The following EP400 variants were observed in gnomAD, a reference collection of about 807,000 sequenced individuals.
EP400 encodes the protein E1A binding protein p400.
Under a neutral mutation model 354.1 loss-of-function variants are expected in EP400, and 105 were observed. That is an observed-to-expected ratio of 0.30 (90% CI 0.25 to 0.35). EP400 has a LOEUF of 0.35. Among genes scored for constraint, EP400 ranks in the 10% least tolerant of loss-of-function variants. EP400 has a pLI of 1.00. For synonymous variants in EP400, 1,646 were observed against 1,716.9 expected, an observed-to-expected ratio of 0.96 and a Z score of 1.02; for missense variants, 3,280 against 4,121.0, an observed-to-expected ratio of 0.80 and a Z score of 5.59.
intron 23 of EP400, among the ~76,000 whole-genome samples, chr12:132,022,654 G>A (rs995563753): frequency 6.8e-6 from 1 of 147,550 alleles, no homozygotes; most frequent in African/African-American, 2.6e-5. Flanking sequence ...GCAACGCTAA[G>A]TTTTACTTTT....
At position 132,050,131 on chromosome 12, in the gene EP400, C is replaced by T. The variant is rs551303859; in HGVS notation, c.7201-192C>T. Among the ~76,000 whole-genome samples the T allele has an allele frequency of 3.3e-5, 5 of 152,260 alleles. No individual in the cohort carries two copies. In the East Asian group the frequency reaches 5.8e-4, roughly 18 times the overall value. On this transcript the variant is annotated intron_variant, in intron 39 of 52. Coordinates refer to ENST00000389561, the MANE Select transcript of EP400 (RefSeq NM_015409.5). The surrounding 1 kb of genome is among the most constrained non-coding windows in gnomAD (Gnocchi z 4.8). ...ATGGACTGGAGAGTGTCACAGCAGT[C>T]GGCCGCGACAGCCACTTAATGCCGC...
intron 45 of EP400, 112 bp downstream of exon 45, chr12:132,055,320 C>T: frequency 1.1e-6 from 1 of 908,238 alleles, no homozygotes; most frequent in Non-Finnish European, 1.6e-6. Context: ...GAAAAACTGT[C>T]TAGTTTGAAT....
Position 132,027,491 on chromosome 12 carries a change from C to T in EP400, c.5069C>T (p.Thr1690Met), listed in dbSNP as rs748609552. The T allele has an allele frequency of 1.7e-5, 27 of 1,613,756 alleles. No homozygotes were observed. Among genetic ancestry groups the T allele is most frequent in the Middle Eastern group, 1.7e-4 (1 of 6,058 alleles). The change falls in exon 26 of 53, where the codon ACG (threonine) becomes ATG (methionine). Residue 1690 changes from threonine to methionine, a missense_variant. Thr to Met is a moderately conservative substitution (Grantham distance 81, BLOSUM62 -1). Transcript: ENST00000389561. The surrounding 1 kb of genome is among the most constrained non-coding windows in gnomAD (Gnocchi z 4.9). ...GCCTTGGCTGTAGGAGAACCCGGAA[C>T]GGCCTCCAAACCAGCTTCTCCCATT... ...VNALAVGEPG[T>M]ASKPASPIGG...
chr12:132,060,270 C>T (rs1337768024), intron 45 of EP400, among the ~76,000 whole-genome samples: 3 of 152,108 alleles, frequency 2.0e-5, no homozygotes, highest in Non-Finnish European at 4.4e-5. Context: ...CAAGATGACA[C>T]ATGGAGGACA....
intron 30 of EP400, among the ~76,000 whole-genome samples, chr12:132,035,884 G>A (rs1040566485): frequency 3.5e-5 from 5 of 141,508 alleles, no homozygotes; most frequent in South Asian, 2.3e-4. Context: ...AGGTTCACAC[G>A]GAACGTCGTG....
Position 132,030,009 on chromosome 12 carries a change from A to T in EP400, c.5605A>T (p.Ile1869Phe). ...CCCAGGGAAGTTGGAAGCTTTAGCT[A>T]TCTTGCTTCAGAAATTGAAATCTGA... is the stretch of plus-strand genomic sequence containing the variant. Reference protein sequence around the residue: ...FDSGKLEALAILLQKLKSEGR... With the variant: ...FDSGKLEALAFLLQKLKSEGR... The change falls in exon 29 of 53, where the codon ATC becomes TTC. Residue 1869 changes from isoleucine to phenylalanine, a missense_variant. Around this residue, in one of 20 missense-constraint regions of EP400, gnomAD observed 459 missense variants for 496.9 expected, o/e 0.92. Coordinates refer to ENST00000389561, the MANE Select transcript of EP400 (RefSeq NM_015409.5). 6.2e-7 allele frequency: 1 copy of T among 1,614,232 alleles called. No individual in the cohort carries two copies. Among genetic ancestry groups the T allele is most frequent in the Non-Finnish European group, 8.5e-7 (1 of 1,180,044 alleles).
In EP400 at chr12:132,029,830, C is replaced by T. The variant is rs758126569; in HGVS notation, c.5511C>T (p.Phe1837=). ...QGLREHAAPY[F]QQLRQTTAPR... ...TGAGAGAGCACGCTGCGCCGTACTT[C>T]CAGCAGCTGCGGCAGACCACGGCTC... Residue 1837 remains phenylalanine (F), a synonymous_variant, in exon 28 of 53, where the codon TTC becomes TTT. Coordinates refer to ENST00000389561, the MANE Select transcript of EP400 (RefSeq NM_015409.5). The surrounding 1 kb of genome is among the most constrained non-coding windows in gnomAD (Gnocchi z 4.7). 2.5e-6 allele frequency: 4 copies of T among 1,613,270 alleles called. No homozygotes were observed. The highest frequency in any genetic ancestry group is 1.1e-5 in the South Asian group (1 of 91,084).
At position 132,029,567 on chromosome 12, in the gene EP400, C is replaced by T. The variant is rs973184752; in HGVS notation, c.5382-134C>T. Reference sequence around the variant, plus strand: ...GCCCGTGTGCCAACACCCACATCCCCATGTGACTGGGTTGAGCCCTGCTGT... The same window carrying T: ...GCCCGTGTGCCAACACCCACATCCCTATGTGACTGGGTTGAGCCCTGCTGT... On this transcript the variant is annotated intron_variant, in intron 27 of 52. Transcript: ENST00000389561. This position sits in a 1 kb window ranked among gnomAD's most constrained non-coding sequence, Gnocchi z 4.7. The T allele has an allele frequency of 1.0e-5, 10 of 980,284 alleles. No individual in the cohort carries two copies. Among genetic ancestry groups the T allele is most frequent in the Admixed American group, 4.6e-5 (2 of 43,626 alleles). 60.7% of individuals were successfully genotyped at this position (980,284 alleles called of 1,614,324 possible).
intron 30 of EP400, among the ~76,000 whole-genome samples, chr12:132,033,538 A>G (rs1444505157): frequency 6.9e-6 from 1 of 145,818 alleles, no homozygotes; most frequent in Non-Finnish European, 1.5e-5. Context: ...GTGTGCTTTA[A>G]CCTCTTTTTT....
chr12:132,028,540 C>T (rs1894382917), intron 27 of EP400, among the ~76,000 whole-genome samples: 1 of 152,228 alleles, frequency 6.6e-6, no homozygotes, highest in Admixed American at 6.5e-5. Flanking sequence ...CAGCACTGAG[C>T]TCACACTGTG....
At chr12:132,006,017 T>C in intron 13 of EP400, 95 bp from the exon 14 acceptor site, 1 of 1,216,852 alleles carries the variant, frequency 8.2e-7, no homozygotes. Flanking sequence ...TTTAAAGTAG[T>C]TGGATTCTAT....
intron 1 of EP400, among the ~76,000 whole-genome samples, chr12:131,951,013 C>T (rs1891459857): frequency 6.6e-6 from 1 of 152,104 alleles, no homozygotes; most frequent in Non-Finnish European, 1.5e-5. Flanking sequence ...GATTCTCCTG[C>T]CTCAGCCTCC....
At chr12:131,950,210 G>C (rs1891413666) in intron 1 of EP400, among the ~76,000 whole-genome samples, 174 bp downstream of exon 1, 1 of 151,978 alleles carries the variant, frequency 6.6e-6, no homozygotes, top group Non-Finnish European at 1.5e-5. Context: ...CCGGGCGGGC[G>C]ACCGGGCTGA....
intron 6 of EP400, among the ~76,000 whole-genome samples, 161 bp from the exon 7 acceptor site, chr12:131,987,544 C>T (rs532353127): frequency 6.6e-6 from 1 of 152,256 alleles, no homozygotes; most frequent in Admixed American, 6.5e-5. Context: ...CCTTTGTGTT[C>T]GAATCTTACC....
At chr12:131,984,649 C>G (rs930831112) in intron 5 of EP400, among the ~76,000 whole-genome samples, 1 of 152,144 alleles carries the variant, frequency 6.6e-6, no homozygotes, top group Admixed American at 6.5e-5. Context: ...ATTTAATTTA[C>G]CTGCCTGTGT....
rs1893831677 is a variant in EP400 at position 132,013,550 on chromosome 12, C to G, written c.3672C>G (p.Thr1224=). Residue 1224 remains threonine, a synonymous_variant, in exon 18 of 53, where the codon ACC becomes ACG. Transcript: ENST00000389561. This position sits in a 1 kb window ranked among gnomAD's most constrained non-coding sequence, Gnocchi z 4.5. ...PLHNTFLELW[T]MVHFLVPGIS... is the part of the protein sequence containing the mutation. ...ACAATACCTTCCTGGAGCTCTGGAC[C>G]ATGGTGCACTTCCTGGTCCCAGGGA... The G allele has an allele frequency of 8.1e-6, 13 of 1,612,098 alleles. No homozygotes were observed. Among genetic ancestry groups the G allele is most frequent in the Non-Finnish European group, 1.1e-5 (13 of 1,179,204 alleles).
chr12:132,064,996 C>T (rs1895843023), intron 48 of EP400, 110 bp downstream of exon 48: 14 of 1,470,272 alleles, frequency 9.5e-6, no homozygotes, highest in Middle Eastern at 4.9e-4. Context: ...GAGTGTGAGA[C>T]GGGTTCTTTT....
At chr12:131,953,509 T>C (rs1891590823) in intron 1 of EP400, among the ~76,000 whole-genome samples, 1 of 152,208 alleles carries the variant, frequency 6.6e-6, no homozygotes, top group South Asian at 2.1e-4. Flanking sequence ...GGCTTTCCTG[T>C]TGATCCACCA....
chr12:132,063,318 G>A (rs1895768947), intron 47 of EP400, among the ~76,000 whole-genome samples: 1 of 152,212 alleles, frequency 6.6e-6, no homozygotes, highest in Non-Finnish European at 1.5e-5. Flanking sequence ...TTCGAGACCA[G>A]CCTGGTCAAC....
Sources: allele counts gnomAD v4.1 joint callset (sites outside exome capture counted in the v4.1 genomes callset), GRCh38; gene constraint gnomAD v4.1.1; regional missense constraint gnomAD v4.1.1; non-coding constraint Gnocchi (gnomAD v3.1); transcripts MANE v1.5; gene names NCBI Gene and HGNC (gene_info 2026-07-23, HGNC 2026-07-21).